Variants in WDR35 observed in about 807,000 individuals in gnomAD.
WDR35 encodes the protein WD repeat-containing protein 35.
Under a neutral mutation model 158.3 loss-of-function variants are expected in WDR35, and 118 were observed. The observed-to-expected ratio is 0.75, with a 90% confidence interval of 0.64 to 0.87. WDR35 has a LOEUF of 0.87. Ranked by LOEUF, WDR35 falls within the 40% of genes least tolerant of loss-of-function variation. The pLI, the probability that WDR35 is intolerant of heterozygous loss-of-function variation, is 0.00. For synonymous variants in WDR35, 448 were observed against 476.1 expected, an observed-to-expected ratio of 0.94 and a Z score of 0.77; for missense variants, 1,263 against 1,405.8, an observed-to-expected ratio of 0.90 and a Z score of 1.62.
At chr2:19,937,351 C>T (rs1176154597) in intron 19 of WDR35, among the ~76,000 whole-genome samples, 2 of 152,166 alleles carry the variant, frequency 1.3e-5, no homozygotes, top group Non-Finnish European at 2.9e-5. Flanking sequence ...CGATCCCTAA[C>T]GACTTCTGAT....
At chr2:19,939,953 T>C (rs1051842492) in intron 17 of WDR35, among the ~76,000 whole-genome samples, 1 of 151,532 alleles carries the variant, frequency 6.6e-6, no homozygotes, top group African/African-American at 2.4e-5. Context: ...CTTATGACTG[T>C]CTTTTTAAAG....
rs1418956310 is a variant in WDR35 at position 19,934,348 on chromosome 2, C to G, written c.2548-837G>C. ...TTCATAAGAAACCTCTCTCAATACT[C>G]TGGTGCAATTTCTTAACATCTTTGT... On this transcript the variant is annotated intron_variant, in intron 21 of 26. Transcript: ENST00000281405. The surrounding 1 kb of genome is among the most constrained non-coding windows in gnomAD (Gnocchi z 4.6). Among the ~76,000 whole-genome samples, 1 of 152,098 alleles carries G rather than the reference C, an allele frequency of 6.6e-6. No homozygotes were observed. Among genetic ancestry groups the G allele is most frequent in the Non-Finnish European group, 1.5e-5 (1 of 68,012 alleles).
At chr2:19,913,858 T>TTTC in intron 26 of WDR35, 150 bp from the exon 27 acceptor site, 20 of 1,416,552 alleles carry the variant, frequency 1.4e-5, no homozygotes, top group Non-Finnish European at 1.8e-5. Flanking sequence ...AGAAAAAACC[T>TTTC]TTCTTACAAT....
rs778059223 is a variant in WDR35 at position 19,966,917 on chromosome 2, G to A, written c.1009-8C>T. 2.5e-6 allele frequency: 4 copies of A among 1,613,238 alleles called. No homozygotes were observed. In the East Asian group the frequency reaches 8.9e-5, roughly 36 times the overall value. On this transcript the variant is annotated splice_region_variant and splice_polypyrimidine_tract_variant and intron_variant, in intron 9 of 26. Transcript: ENST00000281405. ...GTTTGAGCAATAACCCCACTAGGAA[G>A]AAAGGAAGGAGGAAAGGGAAGGAGA...
At chr2:19,946,098 C>A in intron 15 of WDR35, 102 bp from the exon 16 acceptor site, 2 of 1,264,254 alleles carry the variant, frequency 1.6e-6, no homozygotes, top group Non-Finnish European at 2.2e-6. Context: ...ATCAGATTAT[C>A]AGAAACCTGG....
chr2:19,979,683 C>T (rs1672321998), intron 4 of WDR35, among the ~76,000 whole-genome samples: 1 of 151,360 alleles, frequency 6.6e-6, no homozygotes, highest in African/African-American at 2.4e-5. Context: ...ATAACAGAAT[C>T]GAGACTGAGA....
intron 4 of WDR35, among the ~76,000 whole-genome samples, chr2:19,979,179 C>A (rs1329931557): frequency 1.3e-5 from 2 of 152,124 alleles, no homozygotes; most frequent in Admixed American, 6.5e-5. Context: ...AATTAAACTT[C>A]ATTTGCTTTT....
At chr2:19,945,561 T>A (rs1267531122) in intron 16 of WDR35, among the ~76,000 whole-genome samples, 2 of 152,168 alleles carry the variant, frequency 1.3e-5, no homozygotes, top group African/African-American at 2.4e-5. Context: ...GCCTAGGAAG[T>A]ACCTTTCAGA....
At chr2:19,936,119 A>G (rs1473556079) in intron 20 of WDR35, 100 bp downstream of exon 20, 16 of 1,546,566 alleles carry the variant, frequency 1.0e-5, no homozygotes, top group Non-Finnish European at 1.2e-5. Context: ...AGAATTCAAG[A>G]AAATGATCTT....
chr2:19,944,680 C>T (rs1670990926), intron 16 of WDR35, among the ~76,000 whole-genome samples: 1 of 152,034 alleles, frequency 6.6e-6, no homozygotes, highest in Non-Finnish European at 1.5e-5. Context: ...TTCTCAGGGT[C>T]GAAGAATCAC....
chr2:19,957,615 C>T (rs1385527075), intron 11 of WDR35, among the ~76,000 whole-genome samples: 1 of 151,470 alleles, frequency 6.6e-6, no homozygotes, highest in Non-Finnish European at 1.5e-5. Context: ...AGCTGTGGCA[C>T]GATCTTTGCT....
chr2:19,940,189 CAAAA>C (rs1197342596), intron 17 of WDR35, among the ~76,000 whole-genome samples: 280 of 80,222 alleles, frequency 3.5e-3, no homozygotes, highest in African/African-American at 0.011. Context: ...CCCATCTCTA[CAAAA>C]AAAAAAAAAA....
At chr2:19,927,920 C>T (rs1424660698) in intron 25 of WDR35, among the ~76,000 whole-genome samples, 1 of 152,174 alleles carries the variant, frequency 6.6e-6, no homozygotes, top group East Asian at 1.9e-4. Context: ...GATGTGGATC[C>T]TGACTCCTGC....
At chr2:19,932,256 A>G in intron 23 of WDR35, 27 bp downstream of exon 23, 1 of 1,612,566 alleles carries the variant, frequency 6.2e-7, no homozygotes, top group Non-Finnish European at 8.5e-7. Context: ...GGAACAAATC[A>G]ACTATTCACC....
At chr2:19,972,353 GACAAACAA>G (rs948432335) in intron 8 of WDR35, among the ~76,000 whole-genome samples, 1 of 152,124 alleles carries the variant, frequency 6.6e-6, no homozygotes, top group Non-Finnish European at 1.5e-5. Flanking sequence ...TGTTTTGCAA[GACAAACAA>G]ACAGACTTTA....
At chr2:19,976,825 T>A (rs1452607215) in intron 5 of WDR35, among the ~76,000 whole-genome samples, 1 of 151,964 alleles carries the variant, frequency 6.6e-6, no homozygotes, top group Non-Finnish European at 1.5e-5. Flanking sequence ...TTGCTGATTT[T>A]TTTTTTTTTC....
At chr2:19,982,590 A>C in intron 2 of WDR35, 56 bp from the exon 3 acceptor site, 1 of 1,554,560 alleles carries the variant, frequency 6.4e-7, no homozygotes. Flanking sequence ...ACATATTATA[A>C]GATTTTGACT....
intron 8 of WDR35, 118 bp from the exon 9 acceptor site, chr2:19,969,723 G>A: frequency 9.6e-7 from 1 of 1,045,428 alleles, no homozygotes; most frequent in Non-Finnish European, 1.4e-6. Flanking sequence ...AAAGTTACTA[G>A]TCACTTTAAA....
At chr2:19,952,688 TC>T (rs962951073) in intron 12 of WDR35, among the ~76,000 whole-genome samples, 3 of 152,106 alleles carry the variant, frequency 2.0e-5, no homozygotes, top group East Asian at 1.9e-4. Context: ...AAAGATTCTT[TC>T]CATTTGGTCT....
Sources: allele counts gnomAD v4.1 joint callset (sites outside exome capture counted in the v4.1 genomes callset), GRCh38; gene constraint gnomAD v4.1.1; non-coding constraint Gnocchi (gnomAD v3.1); transcripts MANE v1.5; gene names NCBI Gene and HGNC (gene_info 2026-07-23, HGNC 2026-07-21).